Variants in CDH4 observed in about 807,000 individuals in gnomAD.
CDH4 encodes cadherin-4.
In CDH4, 33 loss-of-function variants were observed where a neutral mutation model predicts 86.0. The observed-to-expected ratio is 0.38, with a 90% CI of 0.29 to 0.51. The LOEUF (loss-of-function observed/expected upper bound fraction) is 0.51, where lower values mean the gene tolerates loss of function less well. CDH4 is among the 20% of genes least tolerant of loss of function. The pLI is 0.86. For missense variants in CDH4, 1,114 were observed against 1,307.4 expected (o/e 0.85, Z 2.28); for synonymous variants, 555 against 549.4 (o/e 1.01, Z -0.14).
chr20:61,648,909 C>T (rs948669270), intron 2 of CDH4, among the ~76,000 whole-genome samples: 2 of 152,192 alleles, frequency 1.3e-5, no homozygotes, highest in African/African-American at 4.8e-5. Context: ...GGAGTTTGTC[C>T]TGGAGTCTGT....
rs1468946769 is a variant in CDH4 at position 61,811,412 on chromosome 20, A to G, written c.577-33256A>G. The stretch of plus-strand genomic sequence containing the variant: ...ACCATTTGCCTGAAATCAAGATCAC[A>G]CTTTTGACAATCTGAAGCAAGGAAA... On this transcript the variant is annotated intron_variant, in intron 4 of 15. Coordinates refer to ENST00000614565, the MANE Select transcript of CDH4 (RefSeq NM_001794.5). The surrounding 1 kb of genome is among the most constrained non-coding windows in gnomAD (Gnocchi z 4.4). Among the ~76,000 whole-genome samples, 1 of 152,224 alleles carries G rather than the reference A, an allele frequency of 6.6e-6. No individual in the cohort carries two copies. The highest frequency in any genetic ancestry group is 1.5e-5 in the Non-Finnish European group (1 of 68,040).
intron 2 of CDH4, among the ~76,000 whole-genome samples, chr20:61,440,784 T>C (rs2085310853): frequency 1.3e-5 from 2 of 152,226 alleles, no homozygotes; most frequent in South Asian, 2.1e-4. Flanking sequence ...GGTGTCCCGA[T>C]GCCTCTGGTT....
At position 61,929,800 on chromosome 20, in the gene CDH4, G is replaced by A. The variant is rs762952590; in HGVS notation, c.2197G>A (p.Gly733Ser). 52 of 1,613,900 alleles carry A rather than the reference G, an allele frequency of 3.2e-5. No homozygotes were observed. The highest frequency in any genetic ancestry group is 1.5e-4 in the African/African-American group (11 of 74,944). ...AGTGGCAGCGGCTGGTCTGGGCACC[G>A]GTGCCATCGTGGCCATCCTCATCTG... ...GAVAAAGLGTGAIVAILICIL... is the reference protein window; with the variant it reads ...GAVAAAGLGTSAIVAILICIL... The change falls in exon 13 of 16, where the codon GGT becomes AGT. Residue 733 changes from glycine (G) to serine (S), a missense_variant. Coordinates refer to ENST00000614565, the MANE Select transcript of CDH4 (RefSeq NM_001794.5).
At chr20:61,831,128 A>G (rs866645242) in intron 4 of CDH4, among the ~76,000 whole-genome samples, 9 of 152,102 alleles carry the variant, frequency 5.9e-5, no homozygotes, top group African/African-American at 2.2e-4. Flanking sequence ...CAGCCTCCTC[A>G]CCAGCCTCAC....
At chr20:61,274,588 GTGTGCAGCTTGGGGGAGT>G (rs1600824422) in intron 2 of CDH4, among the ~76,000 whole-genome samples, 1 of 26,590 alleles carries the variant, frequency 3.8e-5, no homozygotes. Flanking sequence ...GGGGAGTACT[GTGTGCAGCTTGGGGGAGT>G]ACCGTGTGCA....
At chr20:61,492,040 TTGG>T (rs1427880633) in intron 2 of CDH4, among the ~76,000 whole-genome samples, 3 of 151,348 alleles carry the variant, frequency 2.0e-5, no homozygotes, top group African/African-American at 4.9e-5. Flanking sequence ...GGTGTTGATG[TTGG>T]TGGTATTGAT....
chr20:61,862,825 C>A (rs962945509), intron 6 of CDH4, among the ~76,000 whole-genome samples: 2 of 152,184 alleles, frequency 1.3e-5, no homozygotes, highest in African/African-American at 2.4e-5. Context: ...AAATTAATGT[C>A]ATTTTAAAAT....
At position 61,650,296 on chromosome 20, in the gene CDH4, C is replaced by T. The variant is rs115591414; in HGVS notation, c.170-93267C>T. On this transcript the variant is annotated intron_variant, in intron 2 of 15. Coordinates refer to ENST00000614565, the MANE Select transcript of CDH4 (RefSeq NM_001794.5). ...CGTTTACTGTTCAAGATTCCAGCTG[C>T]GTGAAAACAGGGTCTGTGTTTTGTT... is the stretch of plus-strand genomic sequence containing the variant. Among the ~76,000 whole-genome samples the T allele has an allele frequency of 7.1e-3, 1,083 of 152,262 alleles. 14 individuals are homozygous for T. The highest frequency in any genetic ancestry group is 0.025 in the African/African-American group (1,033 of 41,530).
chr20:61,282,908 C>T (rs6101291), intron 2 of CDH4, among the ~76,000 whole-genome samples: 2,553 of 77,640 alleles, frequency 0.033, 45 homozygotes, highest in African/African-American at 0.043. Context: ...TGTGCTGTGG[C>T]GTGTGTGATG....
At chr20:61,638,151 G>C (rs1306260379) in intron 2 of CDH4, among the ~76,000 whole-genome samples, 1 of 152,162 alleles carries the variant, frequency 6.6e-6, no homozygotes, top group Non-Finnish European at 1.5e-5. Context: ...CCATAGACGA[G>C]TGGAAGGGGG....
chr20:61,867,639 T>A (rs1678699181), intron 6 of CDH4, among the ~76,000 whole-genome samples: 1 of 150,852 alleles, frequency 6.6e-6, no homozygotes, highest in African/African-American at 2.4e-5. Flanking sequence ...ATTTTCCTCC[T>A]CCCCCCAGGC....
At chr20:61,494,886 T>G (rs2085648986) in intron 2 of CDH4, among the ~76,000 whole-genome samples, 1 of 152,258 alleles carries the variant, frequency 6.6e-6, no homozygotes, top group Non-Finnish European at 1.5e-5. Flanking sequence ...TGTGATCAGC[T>G]GCAAATGACT....
chr20:61,381,372 C>G (rs775294363), intron 2 of CDH4, among the ~76,000 whole-genome samples: 3 of 152,186 alleles, frequency 2.0e-5, no homozygotes, highest in Non-Finnish European at 4.4e-5. Flanking sequence ...TCATAGACAG[C>G]TGTTTTGGGC....
chr20:61,803,185 G>C (rs1310459133), intron 4 of CDH4, among the ~76,000 whole-genome samples: 3 of 145,118 alleles, frequency 2.1e-5, no homozygotes, highest in African/African-American at 7.8e-5. Context: ...CGTGGCGGCT[G>C]TGGACGGGCT....
At chr20:61,399,174 G>A (rs572817954) in intron 2 of CDH4, among the ~76,000 whole-genome samples, 1 of 40,926 alleles carries the variant, frequency 2.4e-5, no homozygotes, top group Non-Finnish European at 4.3e-5. Context: ...CGCCCAGGCC[G>A]GACTGCGGAC....
At chr20:61,813,596 C>T (rs916162060) in intron 4 of CDH4, among the ~76,000 whole-genome samples, 2 of 152,184 alleles carry the variant, frequency 1.3e-5, no homozygotes, top group Admixed American at 1.3e-4. Context: ...CTGGGCCTGG[C>T]AGGGAGGGAG....
At chr20:61,731,694 C>T (rs1027220272) in intron 2 of CDH4, among the ~76,000 whole-genome samples, 7 of 152,344 alleles carry the variant, frequency 4.6e-5, no homozygotes, top group Admixed American at 1.3e-4. Flanking sequence ...CCCGTGCAGA[C>T]GCTGCCACAT....
intron 3 of CDH4, among the ~76,000 whole-genome samples, chr20:61,759,687 A>C (rs1363236265): frequency 6.6e-6 from 1 of 152,052 alleles, no homozygotes; most frequent in Non-Finnish European, 1.5e-5. Flanking sequence ...ATATTTTTCT[A>C]TAAACTGGAG....
At chr20:61,693,734 C>T (rs1038963527) in intron 2 of CDH4, among the ~76,000 whole-genome samples, 2 of 152,230 alleles carry the variant, frequency 1.3e-5, no homozygotes, top group South Asian at 2.1e-4. Context: ...AGCCCAACAA[C>T]AGGCAGAAGT....
Sources: gnomAD v4.1 joint callset for allele counts (sites outside exome capture counted in the v4.1 genomes callset) on GRCh38, gnomAD v4.1.1 for gene constraint, Gnocchi (gnomAD v3.1) non-coding constraint, MANE v1.5 for transcripts, NCBI Gene and HGNC (gene_info 2026-07-23, HGNC 2026-07-21) for gene names.